MLLT10: variants seen among roughly 807,000 people sequenced by gnomAD.
The protein encoded by MLLT10 is protein AF-10.
Under a neutral mutation model 129.1 loss-of-function variants are expected in MLLT10, and 30 were observed. The ratio of observed to expected loss-of-function variants is 0.23; its 90% CI spans 0.17 to 0.32. MLLT10 has a LOEUF of 0.32. Among genes scored for constraint, MLLT10 ranks in the 10% least tolerant of loss-of-function variants. The pLI, the probability that MLLT10 is intolerant of heterozygous loss-of-function variation, is 1.00. For missense variants in MLLT10, 1,119 were observed against 1,268.3 expected, an observed-to-expected ratio of 0.88 and a Z score of 1.79; for synonymous variants, 490 against 446.4, an observed-to-expected ratio of 1.10 and a Z score of -1.23.
intron 13 of MLLT10, among the ~76,000 whole-genome samples, chr10:21,687,765 G>A (rs1447150113): frequency 1.3e-5 from 2 of 151,664 alleles, no homozygotes; most frequent in Admixed American, 6.6e-5. Flanking sequence ...GCACCTGACC[G>A]TTAGTAAACC....
intron 3 of MLLT10, among the ~76,000 whole-genome samples, chr10:21,567,711 A>G (rs1396715653): frequency 1.3e-5 from 2 of 151,682 alleles, no homozygotes; most frequent in Admixed American, 6.6e-5. Flanking sequence ...TAGGTTTTCT[A>G]TGGTGTTATG....
intron 8 of MLLT10, among the ~76,000 whole-genome samples, chr10:21,620,365 T>C (rs2045688013): frequency 6.6e-6 from 1 of 152,208 alleles, no homozygotes; most frequent in Non-Finnish European, 1.5e-5. Flanking sequence ...CAATTTGAAA[T>C]GGTTTGAATT....
chr10:21,660,511 G>C (rs920156154), intron 9 of MLLT10, among the ~76,000 whole-genome samples: 30 of 150,978 alleles, frequency 2.0e-4, no homozygotes, highest in African/African-American at 7.3e-4. Flanking sequence ...AGCTACTCGG[G>C]AGGCTGAGGC....
intron 13 of MLLT10, among the ~76,000 whole-genome samples, chr10:21,698,892 T>C (rs1259646817): frequency 6.6e-6 from 1 of 152,238 alleles, no homozygotes; most frequent in African/African-American, 2.4e-5. Flanking sequence ...GGTTTGGTTT[T>C]GAGACGGAGT....
intron 3 of MLLT10, among the ~76,000 whole-genome samples, chr10:21,546,508 G>T (rs546516503): frequency 6.6e-6 from 1 of 151,436 alleles, no homozygotes; most frequent in African/African-American, 2.4e-5. Context: ...AGGTTCAAGC[G>T]ATTCTCCTGC....
chr10:21,603,557 C>T (rs1227537998), intron 5 of MLLT10, among the ~76,000 whole-genome samples: 2 of 152,106 alleles, frequency 1.3e-5, no homozygotes, highest in African/African-American at 2.4e-5. Context: ...ATATAACAAA[C>T]AACCTGTGTA....
intron 3 of MLLT10, among the ~76,000 whole-genome samples, chr10:21,571,268 T>C (rs1478797714): frequency 6.6e-6 from 1 of 152,230 alleles, no homozygotes; most frequent in East Asian, 1.9e-4. Context: ...AAGTGCTGAT[T>C]TGTCATTCAA....
At chr10:21,603,305 G>A (rs1200371911) in intron 5 of MLLT10, among the ~76,000 whole-genome samples, 3 of 150,170 alleles carry the variant, frequency 2.0e-5, no homozygotes, top group Non-Finnish European at 3.0e-5. Context: ...GATATCAGGT[G>A]ATTTGCCCAC....
At chr10:21,536,333 C>T (rs896284205) in intron 2 of MLLT10, among the ~76,000 whole-genome samples, 4 of 152,100 alleles carry the variant, frequency 2.6e-5, no homozygotes, top group Non-Finnish European at 5.9e-5. Flanking sequence ...TTAAGGTCAT[C>T]CCATGTTCAT....
chr10:21,705,658 C>T (rs909323735), intron 13 of MLLT10, among the ~76,000 whole-genome samples: 11 of 152,202 alleles, frequency 7.2e-5, no homozygotes, highest in East Asian at 1.9e-4. Context: ...CAGTAGCCCA[C>T]ACTTTGCTCA....
intron 15 of MLLT10, among the ~76,000 whole-genome samples, chr10:21,727,450 G>T (rs1324312864): frequency 2.0e-5 from 3 of 151,926 alleles, no homozygotes; most frequent in Non-Finnish European, 4.4e-5. Flanking sequence ...GCTTGTCTTG[G>T]GATGCAAAGT....
At chr10:21,717,695 CTCCTCTTCCTCCTCCTCCTCT>C (rs2056776122) in intron 14 of MLLT10, among the ~76,000 whole-genome samples, 4 of 113,540 alleles carry the variant, frequency 3.5e-5, no homozygotes, top group African/African-American at 3.9e-5. Flanking sequence ...CCTCCTCCTC[CTCCTCTTCCTCCTCCTCCTCT>C]TCCTCCTCCT....
intron 3 of MLLT10, among the ~76,000 whole-genome samples, chr10:21,550,233 C>T (rs1417763219): frequency 6.6e-6 from 1 of 152,122 alleles, no homozygotes; most frequent in East Asian, 1.9e-4. Context: ...TTTTGGGCCC[C>T]ATACCTTCCC....
intron 11 of MLLT10, among the ~76,000 whole-genome samples, chr10:21,678,328 C>T (rs180967302): frequency 6.6e-6 from 1 of 152,280 alleles, no homozygotes; most frequent in African/African-American, 2.4e-5. Context: ...CAGTCTCCAT[C>T]TCTTGACCTC....
rs1214235542 is a variant in MLLT10, at chr10:21,562,881, A to G, written c.241-23413A>G. Among the ~76,000 whole-genome samples, 4 of 126,628 alleles carry G rather than the reference A, an allele frequency of 3.2e-5. No individual in the cohort carries two copies. In the East Asian group the frequency reaches 9.4e-4, roughly 30 times the overall value. 83.1% of individuals were successfully genotyped at this position (126,628 alleles called of 152,430 possible). A position where few individuals can be genotyped will look rare whatever the true frequency, so the allele number is the denominator to read the frequency against. Reference sequence around the variant, plus strand: ...GTTGCCCAGGCTGGAGTGCAATGGCACGATCTTGGCTCACCACAGCCTCCG... The same window carrying G: ...GTTGCCCAGGCTGGAGTGCAATGGCGCGATCTTGGCTCACCACAGCCTCCG... On this transcript the variant is annotated intron_variant, in intron 3 of 22. Transcript: ENST00000307729.
intron 4 of MLLT10, among the ~76,000 whole-genome samples, chr10:21,592,050 A>G (rs2042560049): frequency 6.6e-6 from 1 of 152,122 alleles, no homozygotes. Flanking sequence ...GAAATGTAGA[A>G]TGAAACCATA....
At chr10:21,555,527 C>CT (rs2037796280) in intron 3 of MLLT10, among the ~76,000 whole-genome samples, 1 of 151,924 alleles carries the variant, frequency 6.6e-6, no homozygotes, top group Admixed American at 6.6e-5. Flanking sequence ...CTGGCTGATA[C>CT]TTTAATTGGA....
chr10:21,714,929 C>A (rs1337109276), intron 14 of MLLT10, among the ~76,000 whole-genome samples: 1 of 152,036 alleles, frequency 6.6e-6, no homozygotes, highest in Non-Finnish European at 1.5e-5. Flanking sequence ...CTGTATTACA[C>A]CCCCCTTCCC....
At chr10:21,699,178 G>A (rs901178606) in intron 13 of MLLT10, among the ~76,000 whole-genome samples, 2 of 151,154 alleles carry the variant, frequency 1.3e-5, no homozygotes, top group African/African-American at 4.9e-5. Context: ...CCCAGCATTT[G>A]TATGTTATCT....
Sources: gnomAD v4.1 joint callset for allele counts (sites outside exome capture counted in the v4.1 genomes callset) on GRCh38, gnomAD v4.1.1 for gene constraint, MANE v1.5 for transcripts, NCBI Gene and HGNC (gene_info 2026-07-23, HGNC 2026-07-21) for gene names.